Variants in PAPPA observed in about 807,000 individuals in gnomAD.
PAPPA encodes pappalysin 1, also known as pappalysin-1.
A neutral mutation model predicts 164.0 loss-of-function variants in PAPPA; 60 were observed. That is an observed-to-expected ratio of 0.37 (90% CI 0.30 to 0.45). The LOEUF (loss-of-function observed/expected upper bound fraction) is 0.45, where lower values mean the gene tolerates loss of function less well. PAPPA is among the 20% of genes least tolerant of loss of function. The pLI is 1.00. For missense variants in PAPPA, 1,782 were observed against 2,087.3 expected (o/e 0.85, Z 2.85); for synonymous variants, 875 against 814.1 (o/e 1.07, Z -1.27).
At chr9:116,282,832 C>CT (rs1845283893) in intron 9 of PAPPA, among the ~76,000 whole-genome samples, 4 of 152,134 alleles carry the variant, frequency 2.6e-5, no homozygotes, top group Admixed American at 2.6e-4. Context: ...ATCCCAGGGT[C>CT]TTTTTAAGAA....
At chr9:116,390,109 G>A (rs1026481886) in intron 21 of PAPPA, among the ~76,000 whole-genome samples, 28 of 152,226 alleles carry the variant, frequency 1.8e-4, no homozygotes, top group African/African-American at 6.7e-4. Context: ...CAAGAACTTG[G>A]TCCCAGCTGA....
chr9:116,368,583 C>A (rs569086695), intron 19 of PAPPA, among the ~76,000 whole-genome samples: 9 of 152,344 alleles, frequency 5.9e-5, no homozygotes, highest in African/African-American at 1.9e-4. Flanking sequence ...ACCCAATCAA[C>A]TGGGGCCCCC....
chr9:116,368,653 G>A (rs1455285761), intron 19 of PAPPA, among the ~76,000 whole-genome samples: 1 of 152,208 alleles, frequency 6.6e-6, no homozygotes, highest in Non-Finnish European at 1.5e-5. Flanking sequence ...GGCCTTATGT[G>A]TCACTCTGGG....
intron 6 of PAPPA, among the ~76,000 whole-genome samples, chr9:116,228,745 C>T (rs752922882): frequency 3.9e-5 from 6 of 152,158 alleles, no homozygotes; most frequent in South Asian, 2.1e-4. Context: ...TCATCTGGCC[C>T]GGGCTCCCCC....
rs1846980435 is a variant in PAPPA, at chr9:116,397,462, C to T, written c.*846C>T. The T allele has an allele frequency of 6.5e-6, 1 of 152,850 alleles. No homozygotes were observed. Among genetic ancestry groups the T allele is most frequent in the Non-Finnish European group, 1.5e-5 (1 of 68,202 alleles). The allele number at this position is 152,850 out of a possible 1,614,324, so 9.5% of individuals were successfully genotyped here. A position where few individuals can be genotyped will look rare whatever the true frequency, so the allele number is the denominator to read the frequency against. ...TGGGACCACATTTGCTGCTACTTTT[C>T]CTGCTGCTCTATCCTATACATTGAA... is the stretch of plus-strand genomic sequence containing the variant. On this transcript the variant is annotated 3_prime_UTR_variant, in exon 22 of 22. Coordinates refer to ENST00000328252, the MANE Select transcript of PAPPA (RefSeq NM_002581.5).
intron 13 of PAPPA, among the ~76,000 whole-genome samples, chr9:116,336,153 AAGAG>A (rs1326037944): frequency 6.6e-6 from 1 of 152,082 alleles, no homozygotes; most frequent in African/African-American, 2.4e-5. Context: ...GGTCCAGAAG[AAGAG>A]AGAGTTGTGA....
chr9:116,223,718 C>G (rs1365986001), intron 5 of PAPPA, among the ~76,000 whole-genome samples: 1 of 152,192 alleles, frequency 6.6e-6, no homozygotes, highest in Non-Finnish European at 1.5e-5. Context: ...ACGTATATCA[C>G]TCTCCCATAC....
intron 7 of PAPPA, among the ~76,000 whole-genome samples, chr9:116,239,248 C>T (rs1164201738): frequency 1.3e-5 from 2 of 152,178 alleles, no homozygotes; most frequent in African/African-American, 4.8e-5. Flanking sequence ...AAATGTGGAA[C>T]ATCTCCATCT....
chr9:116,259,027 G>A (rs1418815007), intron 7 of PAPPA, among the ~76,000 whole-genome samples: 3 of 152,068 alleles, frequency 2.0e-5, no homozygotes, highest in African/African-American at 7.2e-5. Context: ...CAGCTACTTG[G>A]GAGGCTGAGG....
At chr9:116,245,475 G>A (rs1844786562) in intron 7 of PAPPA, among the ~76,000 whole-genome samples, 1 of 152,218 alleles carries the variant, frequency 6.6e-6, no homozygotes, top group African/African-American at 2.4e-5. Flanking sequence ...TCCATTTAGG[G>A]TTGACTGCTG....
At chr9:116,213,017 C>T (rs961167040) in intron 4 of PAPPA, among the ~76,000 whole-genome samples, 7 of 152,074 alleles carry the variant, frequency 4.6e-5, no homozygotes, top group African/African-American at 1.4e-4. Context: ...CTCTTTTACT[C>T]TTGTATTTCT....
At position 116,161,019 on chromosome 9, in the gene PAPPA, G is replaced by C. The variant is rs574089805; in HGVS notation, c.415+6432G>C. Among the ~76,000 whole-genome samples the C allele has an allele frequency of 4.6e-5, 7 of 152,312 alleles. No individual in the cohort carries two copies. The South Asian group carries it at 1.5e-3, about 32-fold the overall frequency. On this transcript the variant is annotated intron_variant, in intron 1 of 21. Coordinates refer to ENST00000328252, the MANE Select transcript of PAPPA (RefSeq NM_002581.5). ...GTCCCCATCTCATGGGCTGTCATGGGACCAGGTGAGACAATGCCGGGAGAA... is the reference window on the plus strand; with the variant it reads ...GTCCCCATCTCATGGGCTGTCATGGCACCAGGTGAGACAATGCCGGGAGAA...
At chr9:116,243,638 C>T (rs750998596) in intron 7 of PAPPA, among the ~76,000 whole-genome samples, 72 of 152,084 alleles carry the variant, frequency 4.7e-4, no homozygotes, top group Middle Eastern at 3.4e-3. Flanking sequence ...GTATCTTGAT[C>T]GATGGAGAAA....
chr9:116,377,265 C>G (rs913861900), intron 19 of PAPPA, among the ~76,000 whole-genome samples: 4 of 151,986 alleles, frequency 2.6e-5, no homozygotes, highest in African/African-American at 9.7e-5. Flanking sequence ...ACGAATGGGT[C>G]GAATATTAGT....
At position 116,265,848 on chromosome 9, in the gene PAPPA, AT is replaced by A; in HGVS notation, c.2733-5del. ...AATTGTATAATTATGTCTTCTTTGT[AT>A]TTTCCAGGGATCTAAATCTTGGCAG... On this transcript the variant is annotated splice_region_variant and splice_polypyrimidine_tract_variant and intron_variant, in intron 7 of 21. Transcript: ENST00000328252. The A allele has an allele frequency of 6.3e-7, 1 of 1,587,926 alleles. No individual in the cohort carries two copies.
chr9:116,385,565 A>G (rs1401513788), intron 21 of PAPPA, among the ~76,000 whole-genome samples: 1 of 152,206 alleles, frequency 6.6e-6, no homozygotes, highest in Non-Finnish European at 1.5e-5. Flanking sequence ...CCAGGCCCCA[A>G]GATAAGCACA....
intron 9 of PAPPA, among the ~76,000 whole-genome samples, chr9:116,298,417 A>G (rs1026964716): frequency 2.6e-5 from 4 of 152,262 alleles, no homozygotes; most frequent in Admixed American, 1.3e-4. Flanking sequence ...CTAGCTGGAT[A>G]GAACAGATTT....
At chr9:116,367,470 T>G (rs914516928) in intron 18 of PAPPA, among the ~76,000 whole-genome samples, 175 bp from the exon 19 acceptor site, 1 of 151,920 alleles carries the variant, frequency 6.6e-6, no homozygotes, top group Non-Finnish European at 1.5e-5. Context: ...GTGAATGGAG[T>G]CAGGGAGAAC....
chr9:116,289,179 TATGTAGC>T (rs1564212108), intron 9 of PAPPA, among the ~76,000 whole-genome samples: 5 of 31,612 alleles, frequency 1.6e-4, no homozygotes, highest in African/African-American at 3.2e-4. Flanking sequence ...ATATAGCATA[TATGTAGC>T]ATATATATAG....
Sources: gnomAD v4.1 joint callset for allele counts (sites outside exome capture counted in the v4.1 genomes callset) on GRCh38, gnomAD v4.1.1 for gene constraint, MANE v1.5 for transcripts, NCBI Gene and HGNC (gene_info 2026-07-23, HGNC 2026-07-21) for gene names.